Variants in RARB observed in about 807,000 individuals in gnomAD.
RARB encodes the protein retinoic acid receptor beta.
RARB carries 17 observed loss-of-function variants against 51.9 expected under a neutral mutation model. That is an observed-to-expected ratio of 0.33 (90% CI 0.22 to 0.49). The LOEUF (loss-of-function observed/expected upper bound fraction) is 0.49, where lower values mean the gene tolerates loss of function less well. RARB is among the 20% of genes least tolerant of loss of function. The probability of loss-of-function intolerance (pLI) is 0.99; values close to 1 mark genes in which losing one functional copy is unlikely to be tolerated. For missense variants in RARB, 369 were observed against 550.8 expected (o/e 0.67, Z 3.30); for synonymous variants, 215 against 195.4 (o/e 1.10, Z -0.84).
At chr3:25,548,668 T>C (rs1249540373) in intron 3 of RARB, among the ~76,000 whole-genome samples, 1 of 151,794 alleles carries the variant, frequency 6.6e-6, no homozygotes, top group African/African-American at 2.4e-5. Flanking sequence ...AAAAACCTTT[T>C]GAGAGGCAGC....
intron 5 of RARB, among the ~76,000 whole-genome samples, chr3:25,208,704 C>T (rs990279090): frequency 2.0e-5 from 3 of 152,082 alleles, no homozygotes; most frequent in East Asian, 1.9e-4. Flanking sequence ...ATTTGTTTTA[C>T]AGAAGAAATG....
chr3:25,468,922 C>T (rs557636882), intron 2 of RARB, among the ~76,000 whole-genome samples: 1 of 152,342 alleles, frequency 6.6e-6, no homozygotes, highest in South Asian at 2.1e-4. Flanking sequence ...GCCTGTCCTG[C>T]AGAAGGCCCC....
intron 5 of RARB, among the ~76,000 whole-genome samples, chr3:25,394,573 G>C (rs1347535510): frequency 6.6e-6 from 1 of 151,970 alleles, no homozygotes; most frequent in Non-Finnish European, 1.5e-5. Context: ...TTATAAACTT[G>C]GGAGCTCCAG....
intron 2 of RARB, among the ~76,000 whole-genome samples, chr3:24,950,597 C>T (rs946114209): frequency 4.0e-5 from 6 of 151,842 alleles, no homozygotes; most frequent in East Asian, 1.9e-4. Context: ...GTGAACATAA[C>T]GGAGCCAGAG....
chr3:25,161,624 A>G lies in RARB; in HGVS notation c.-279-12495A>G, dbSNP rs564187649. ...TTCTCTTCCACTGGCTCACAAATGT[A>G]AAACACTCATCATTCTCTTCCACCA... On this transcript the variant is annotated intron_variant, in intron 4 of 11. Coordinates refer to the RARB transcript ENST00000383772. Among the ~76,000 whole-genome samples the G allele has an allele frequency of 2.0e-5, 3 of 152,338 alleles. No individual in the cohort carries two copies. The South Asian group carries it at 6.2e-4, about 32-fold the overall frequency.
intron 2 of RARB, among the ~76,000 whole-genome samples, chr3:24,902,262 C>A (rs949304046): frequency 1.3e-5 from 2 of 152,148 alleles, no homozygotes; most frequent in Admixed American, 6.6e-5. Flanking sequence ...TATATTTCCG[C>A]TAGGTTAAGT....
At position 25,254,885 on chromosome 3, in the gene RARB, T is replaced by C. The variant is rs1446619712; in HGVS notation, c.178+80310T>C. On this transcript the variant is annotated intron_variant, in intron 5 of 11. Transcript: ENST00000383772. Reference sequence around the variant, plus strand: ...CATGCTTGGTGTTCTTGTGTTTGGATTGAGAATATTATTGAGGCACTACCT... The same window carrying C: ...CATGCTTGGTGTTCTTGTGTTTGGACTGAGAATATTATTGAGGCACTACCT... Among the ~76,000 whole-genome samples the C allele has an allele frequency of 2.6e-5, 4 of 152,100 alleles. No homozygotes were observed. The East Asian group carries it at 5.8e-4, about 22-fold the overall frequency.
chr3:25,383,025 G>A (rs1706676220), intron 5 of RARB, among the ~76,000 whole-genome samples: 1 of 152,166 alleles, frequency 6.6e-6, no homozygotes. Flanking sequence ...GAGGCCCGTT[G>A]TTAACAATAG....
chr3:25,110,016 T>G lies in RARB; in HGVS notation c.-327-22145T>G, dbSNP rs1035886970. On this transcript the variant is annotated intron_variant, in intron 3 of 11. Transcript: ENST00000383772. ...CCTTATAATACTTGTGTTCTTTTTT[T>G]GCCTTTTCATTTCCCCAAGATCTGG... 2.0e-5 allele frequency among the ~76,000 whole-genome samples: 3 copies of G among 152,228 alleles called. No homozygotes were observed. In the South Asian group the frequency reaches 6.2e-4, roughly 32 times the overall value.
At position 24,990,322 on chromosome 3, in the gene RARB, C is replaced by T. The variant is rs1213942764; in HGVS notation, c.-379-69803C>T. On this transcript the variant is annotated intron_variant, in intron 2 of 11. Transcript: ENST00000383772. ...GGTATATCTCCTAATGCTATCCCTC[C>T]CCCCTCCCCCCACCCCACAACAGTC... Among the ~76,000 whole-genome samples the T allele has an allele frequency of 6.2e-5, 2 of 32,252 alleles. 1 individual carries two copies. Among genetic ancestry groups the T allele is most frequent in the African/African-American group, 2.8e-4 (2 of 7,052 alleles). 21.2% of individuals were successfully genotyped at this position (32,252 alleles called of 152,430 possible).
intron 2 of RARB, among the ~76,000 whole-genome samples, chr3:25,023,215 T>C (rs1444156732): frequency 6.6e-6 from 1 of 152,144 alleles, no homozygotes; most frequent in Non-Finnish European, 1.5e-5. Flanking sequence ...TTGGGACCTT[T>C]TGTGACATGC....
At chr3:25,326,987 C>G (rs1015790639) in intron 5 of RARB, among the ~76,000 whole-genome samples, 7 of 152,074 alleles carry the variant, frequency 4.6e-5, no homozygotes, top group African/African-American at 1.7e-4. Flanking sequence ...TATCCCTCCC[C>G]CCTCCTCCCA....
chr3:25,451,591 A>T (rs1709197353), intron 1 of RARB, among the ~76,000 whole-genome samples: 1 of 152,212 alleles, frequency 6.6e-6, no homozygotes, highest in African/African-American at 2.4e-5. Context: ...TATTGAGAAA[A>T]AGAGGGTTTT....
intron 2 of RARB, among the ~76,000 whole-genome samples, chr3:24,933,382 A>T (rs1482235839): frequency 6.6e-6 from 1 of 152,104 alleles, no homozygotes; most frequent in South Asian, 2.1e-4. Context: ...AATTTAAAAA[A>T]TTTCCATAGG....
intron 2 of RARB, among the ~76,000 whole-genome samples, chr3:24,903,388 G>T (rs1219290752): frequency 1.3e-5 from 2 of 152,030 alleles, no homozygotes; most frequent in Non-Finnish European, 1.5e-5. Context: ...ATTTGAAACT[G>T]ATAAATATTA....
intron 3 of RARB, among the ~76,000 whole-genome samples, chr3:25,503,526 A>C (rs928326245): frequency 6.6e-6 from 1 of 152,242 alleles, no homozygotes; most frequent in Non-Finnish European, 1.5e-5. Context: ...ATTAAAAAAA[A>C]TAATGTTTAC....
At chr3:25,031,452 G>A (rs148741176) in intron 2 of RARB, among the ~76,000 whole-genome samples, 106 of 152,320 alleles carry the variant, frequency 7.0e-4, no homozygotes, top group African/African-American at 2.5e-3. Context: ...AAAATATTAT[G>A]AGGCCTCCCC....
chr3:25,542,053 T>A (rs959170132), intron 3 of RARB, among the ~76,000 whole-genome samples: 1 of 152,256 alleles, frequency 6.6e-6, no homozygotes, highest in Non-Finnish European at 1.5e-5. Flanking sequence ...AGCCTTTTAT[T>A]AAGATTAGGG....
chr3:25,325,783 G>C, intron 5 of RARB, among the ~76,000 whole-genome samples: 1 of 151,274 alleles, frequency 6.6e-6, no homozygotes, highest in African/African-American at 2.4e-5. Flanking sequence ...CCTTCAGTTT[G>C]GGGGTTGTTG....
Sources: gnomAD v4.1 joint callset for allele counts (sites outside exome capture counted in the v4.1 genomes callset) on GRCh38, gnomAD v4.1.1 for gene constraint, MANE v1.5 for transcripts, NCBI Gene and HGNC (gene_info 2026-07-23, HGNC 2026-07-21) for gene names.